PXK: variants seen among roughly 807,000 people sequenced by gnomAD.
PXK encodes the protein PX domain-containing protein kinase-like protein.
Under a neutral mutation model 84.7 loss-of-function variants are expected in PXK, and 35 were observed. The observed-to-expected ratio is 0.41, with a 90% CI of 0.32 to 0.55. The LOEUF (loss-of-function observed/expected upper bound fraction) is 0.55. Among genes scored for constraint, PXK ranks in the 20% least tolerant of loss-of-function variants. The pLI, the probability that PXK is intolerant of heterozygous loss-of-function variation, is 0.21. For missense variants in PXK, 634 were observed against 699.7 expected (o/e 0.91, Z 1.06); for synonymous variants, 253 against 260.8 (o/e 0.97, Z 0.29).
chr3:58,403,733 CCAGGGGCTGG>C, intron 12 of PXK, 119 bp from the exon 13 acceptor site: 1 of 443,610 alleles, frequency 2.3e-6, no homozygotes, highest in Non-Finnish European at 3.9e-6. Context: ...GTGGATTGGG[CCAGGGGCTGG>C]AGGATGTGGT....
chr3:58,380,903 A>G (rs1239784805), intron 3 of PXK, among the ~76,000 whole-genome samples: 2 of 152,152 alleles, frequency 1.3e-5, no homozygotes. Flanking sequence ...GGATAAAGAC[A>G]TCCTTATATA....
chr3:58,425,058 A>C lies in PXK; in HGVS notation c.*98A>C. The C allele has an allele frequency of 6.7e-7, 1 of 1,498,928 alleles. No individual in the cohort carries two copies. Among genetic ancestry groups the C allele is most frequent in the Non-Finnish European group, 9.0e-7 (1 of 1,113,582 alleles). 92.9% of individuals were successfully genotyped at this position (1,498,928 alleles called of 1,614,324 possible). A position where few individuals can be genotyped will look rare whatever the true frequency, so the allele number is the denominator to read the frequency against. On this transcript the variant is annotated 3_prime_UTR_variant, in exon 18 of 18. Transcript: ENST00000356151. The stretch of plus-strand genomic sequence containing the variant: ...TTCCTGGGAAAGTAATTGCTGAGCC[A>C]GTACAGCCACAAACAGTACTATTTT...
rs1048370315 is a variant in PXK at position 58,412,452 on chromosome 3, C to T, written c.1466-449C>T. On this transcript the variant is annotated intron_variant, in intron 16 of 17. Transcript: ENST00000356151. The surrounding 1 kb of genome is among the most constrained non-coding windows in gnomAD (Gnocchi z 6.2). ...TCTACCTGCTGATAAAATGGAACTTCGGCAGAATGCGTTACTGGGTGGATG... is the reference window on the plus strand; with the variant it reads ...TCTACCTGCTGATAAAATGGAACTTTGGCAGAATGCGTTACTGGGTGGATG... Among the ~76,000 whole-genome samples the T allele has an allele frequency of 3.9e-5, 6 of 152,092 alleles. No individual in the cohort carries two copies. The highest frequency in any genetic ancestry group is 3.8e-4 in the East Asian group (2 of 5,198).
intron 1 of PXK, among the ~76,000 whole-genome samples, chr3:58,347,603 A>T (rs1198693943): frequency 2.6e-5 from 4 of 152,172 alleles, no homozygotes; most frequent in Non-Finnish European, 4.4e-5. Flanking sequence ...TATGGATTTA[A>T]CATTTGTTAT....
chr3:58,399,326 G>A lies in PXK; in HGVS notation c.1130G>A (p.Cys377Tyr), dbSNP rs2058209974. The A allele has an allele frequency of 1.2e-6, 2 of 1,614,174 alleles. No homozygotes were observed. The highest frequency in any genetic ancestry group is 1.7e-6 in the Non-Finnish European group (2 of 1,180,016). Residue 377 changes from cysteine to tyrosine, a missense_variant, in exon 12 of 18, where the codon TGT (cysteine) becomes TAT (tyrosine). By Grantham distance (194) the Cys-to-Tyr change is radical. Transcript: ENST00000356151. The surrounding 1 kb of genome is among the most constrained non-coding windows in gnomAD (Gnocchi z 4.3). ...GCCGTGTTGGAGTCTACGCTGTCTT[G>A]TGAAGCCTGTAAAAATGGCATGCCT... ...VVAVLESTLS[C>Y]EACKNGMPTI... is the part of the protein sequence containing the mutation.
rs567075352 is a variant in PXK, at chr3:58,352,132, T to A, written c.103-13742T>A. On this transcript the variant is annotated intron_variant, in intron 1 of 17. Coordinates refer to ENST00000356151, the MANE Select transcript of PXK (RefSeq NM_017771.5). ...TGTGTGCCCTCCCCTGCTGGGGACT[T>A]GTGGCTGTGCTATGGAGGAGGGATG... Among the ~76,000 whole-genome samples the A allele has an allele frequency of 3.9e-5, 6 of 152,294 alleles. No homozygotes were observed. The East Asian group carries it at 9.6e-4, about 24-fold the overall frequency.
intron 1 of PXK, among the ~76,000 whole-genome samples, chr3:58,360,921 G>A (rs935318223): frequency 5.9e-5 from 9 of 151,812 alleles, no homozygotes; most frequent in African/African-American, 1.9e-4. Flanking sequence ...TCATCATAAT[G>A]TCCTGTGTGT....
intron 1 of PXK, among the ~76,000 whole-genome samples, chr3:58,355,308 A>G (rs2098048814): frequency 6.6e-6 from 1 of 152,116 alleles, no homozygotes; most frequent in Admixed American, 6.6e-5. Flanking sequence ...GGGAACACTG[A>G]CAGGTTCTGC....
chr3:58,363,327 G>A (rs1224294883), intron 1 of PXK, among the ~76,000 whole-genome samples: 2 of 152,032 alleles, frequency 1.3e-5, no homozygotes, highest in Admixed American at 6.6e-5. Flanking sequence ...CTGTGGCCTT[G>A]TTGAACTCAA....
At chr3:58,403,645 A>G (rs1441855642) in intron 12 of PXK, among the ~76,000 whole-genome samples, 2 of 152,196 alleles carry the variant, frequency 1.3e-5, no homozygotes, top group Non-Finnish European at 2.9e-5. Flanking sequence ...TGGCCCAGAT[A>G]CCCTAGTAAC....
In PXK at chr3:58,409,488, G is replaced by A. The variant is rs1418681951; in HGVS notation, c.1309-44G>A. 1 of 1,525,722 alleles carries A rather than the reference G, an allele frequency of 6.6e-7. No homozygotes were observed. The highest frequency in any genetic ancestry group is 9.0e-7 in the Non-Finnish European group (1 of 1,112,374). 94.5% of individuals were successfully genotyped at this position (1,525,722 alleles called of 1,614,324 possible). A position where few individuals can be genotyped will look rare whatever the true frequency, so the allele number is the denominator to read the frequency against. On this transcript the variant is annotated intron_variant, in intron 14 of 17. Transcript: ENST00000356151. The surrounding 1 kb of genome is among the most constrained non-coding windows in gnomAD (Gnocchi z 4.2). ...TGTTGGAGAAGATTTTCATTAGGAAGCTGCCTTATGTGGGATATGCTTACA... is the reference window on the plus strand; with the variant it reads ...TGTTGGAGAAGATTTTCATTAGGAAACTGCCTTATGTGGGATATGCTTACA...
intron 6 of PXK, 89 bp from the exon 7 acceptor site, chr3:58,391,684 A>G: frequency 1.7e-6 from 2 of 1,210,054 alleles, no homozygotes; most frequent in Non-Finnish European, 2.4e-6. Context: ...TTCCAGTCAT[A>G]TTTTGGATAA....
intron 7 of PXK, among the ~76,000 whole-genome samples, chr3:58,394,508 A>G (rs1195470566): frequency 6.6e-6 from 1 of 152,178 alleles, no homozygotes; most frequent in African/African-American, 2.4e-5. Context: ...TCTGGCTAGT[A>G]TGCTTCTTGG....
At chr3:58,351,773 T>C (rs1392256582) in intron 1 of PXK, among the ~76,000 whole-genome samples, 1 of 152,038 alleles carries the variant, frequency 6.6e-6, no homozygotes, top group Non-Finnish European at 1.5e-5. Context: ...AATCAGAGAC[T>C]GATACAATTG....
intron 17 of PXK, chr3:58,420,770 A>G: frequency 7.3e-7 from 1 of 1,379,076 alleles, no homozygotes; most frequent in Non-Finnish European, 9.4e-7. Context: ...TTTCATTTTC[A>G]TCATGACCTT....
intron 5 of PXK, 78 bp from the exon 6 acceptor site, chr3:58,391,069 T>G (rs1046966745): frequency 1.4e-5 from 15 of 1,036,346 alleles, no homozygotes; most frequent in Non-Finnish European, 1.9e-5. Flanking sequence ...TTAATTTTTC[T>G]TGATTACCTA....
At position 58,421,318 on chromosome 3, in the gene PXK, A is replaced by T. The variant is rs1376316297; in HGVS notation, c.1529-3434A>T. 1 of 984,718 alleles carries T rather than the reference A, an allele frequency of 1.0e-6. No homozygotes were observed. Among genetic ancestry groups the T allele is most frequent in the African/African-American group, 1.7e-5 (1 of 57,214 alleles). The allele number at this position is 984,718 out of a possible 1,614,324, so 61.0% of individuals were successfully genotyped here. ...GGAAGGGAGCCAGGCGCAGTGGCTCACATCTATAATCTCAGCACTTTGGGA... is the reference window on the plus strand; with the variant it reads ...GGAAGGGAGCCAGGCGCAGTGGCTCTCATCTATAATCTCAGCACTTTGGGA... On this transcript the variant is annotated intron_variant, in intron 17 of 17. Transcript: ENST00000356151. This position sits in a 1 kb window ranked among gnomAD's most constrained non-coding sequence, Gnocchi z 5.5.
Position 58,416,750 on chromosome 3 carries a change from A to AGCT in PXK, c.1528+3789_1528+3791dup, listed in dbSNP as rs538948831. Among the ~76,000 whole-genome samples, 34 of 152,082 alleles carry AGCT rather than the reference A, an allele frequency of 2.2e-4. 1 individual carries two copies. The highest frequency in any genetic ancestry group is 8.2e-4 in the African/African-American group (34 of 41,490). On this transcript the variant is annotated intron_variant, in intron 17 of 17. Transcript: ENST00000356151. This position sits in a 1 kb window ranked among gnomAD's most constrained non-coding sequence, Gnocchi z 4.8. ...ATTTTTATGCCTCAGCCTCCCAAGT[A>AGCT]GCTGGGATTATAGGCACTCACCACC...
rs5849252 is a variant in PXK, at chr3:58,416,597, CAGG to C, written c.1528+3639_1528+3641del. Among the ~76,000 whole-genome samples, 114,440 of 151,568 alleles carry C rather than the reference CAGG, an allele frequency of 0.76. 43,427 individuals carry two copies. Among genetic ancestry groups the C allele is most frequent in the South Asian group, 0.82 (3,922 of 4,808 alleles). On this transcript the variant is annotated intron_variant, in intron 17 of 17. Coordinates refer to ENST00000356151, the MANE Select transcript of PXK (RefSeq NM_017771.5). This position sits in a 1 kb window ranked among gnomAD's most constrained non-coding sequence, Gnocchi z 4.8. The stretch of plus-strand genomic sequence containing the variant: ...CTTCAAGGCCTCTGCAGAGTGAGAG[CAGG>C]AGGACTCTGAGCCTAGGGATTACAC...
Sources: gnomAD v4.1 joint callset for allele counts (sites outside exome capture counted in the v4.1 genomes callset) on GRCh38, gnomAD v4.1.1 for gene constraint, Gnocchi (gnomAD v3.1) non-coding constraint, MANE v1.5 for transcripts, NCBI Gene and HGNC (gene_info 2026-07-23, HGNC 2026-07-21) for gene names.